MTMR8: variants seen among roughly 807,000 people sequenced by gnomAD.
MTMR8 encodes phosphatidylinositol-3,5-bisphosphate 3-phosphatase MTMR8.
In MTMR8, 65 loss-of-function variants were observed where a neutral mutation model predicts 39.3. That is an observed-to-expected ratio of 1.65 (90% CI 1.35 to 2.03). The LOEUF is 2.03. MTMR8 is among the 30% of genes most tolerant of loss of function. The probability of loss-of-function intolerance (pLI) is 0.00; values close to 1 mark genes in which losing one functional copy is unlikely to be tolerated. For synonymous variants in MTMR8, 245 were observed against 185.2 expected (o/e 1.32, Z -2.62); for missense variants, 777 against 538.9 (o/e 1.44, Z -4.37).
intron 4 of MTMR8, among the ~76,000 whole-genome samples, chrX:64,351,558 A>G (rs1453274706): frequency 9.0e-6 from 1 of 111,054 alleles, no homozygotes; most frequent in Non-Finnish European, 1.9e-5. Flanking sequence ...CATACAATCA[A>G]AAGGTAAAGT....
intron 12 of MTMR8, among the ~76,000 whole-genome samples, chrX:64,288,461 G>A (rs189281737): frequency 1.2e-4 from 13 of 111,641 alleles, no homozygotes; most frequent in East Asian, 1.1e-3. Context: ...ACAGTGTGGC[G>A]ATTCCTCAGG....
intron 1 of MTMR8, among the ~76,000 whole-genome samples, chrX:64,392,399 A>C (rs1342912637): frequency 2.7e-5 from 3 of 112,081 alleles, no homozygotes; most frequent in Non-Finnish European, 5.6e-5. Context: ...ATATGGATAA[A>C]TCTTTCAAAC....
chrX:64,378,529 G>A (rs1924331199), intron 1 of MTMR8, among the ~76,000 whole-genome samples: 1 of 112,283 alleles, frequency 8.9e-6, no homozygotes, highest in Non-Finnish European at 1.9e-5. Flanking sequence ...CCTGACACTT[G>A]AATGTAACAA....
intron 12 of MTMR8, among the ~76,000 whole-genome samples, chrX:64,293,649 C>T (rs1053904853): frequency 5.4e-5 from 6 of 111,066 alleles, no homozygotes; most frequent in Non-Finnish European, 1.1e-4. Context: ...GACAATCACC[C>T]TTTTACCATA....
chrX:64,291,927 C>T (rs1921410749), intron 12 of MTMR8, among the ~76,000 whole-genome samples: 1 of 111,402 alleles, frequency 9.0e-6, no homozygotes, highest in African/African-American at 3.3e-5. Context: ...AGCCTGATCA[C>T]CTGGATCTCC....
intron 10 of MTMR8, among the ~76,000 whole-genome samples, chrX:64,334,570 TAAAA>T (rs537003359): frequency 2.9e-4 from 20 of 69,326 alleles, no homozygotes; most frequent in Non-Finnish European, 5.0e-4. Context: ...TCTTTCAGCT[TAAAA>T]AAAAAAAAAA....
rs912982528 is a variant in MTMR8, at chrX:64,380,996, G to T, written c.24+14344C>A. On this transcript the variant is annotated intron_variant, in intron 1 of 13. Coordinates refer to ENST00000374852, the MANE Select transcript of MTMR8 (RefSeq NM_017677.4). ...CATTTTCTTAATCAAGTCTATCATT[G>T]TTGGACATTTGGCTTGGTTCCAAGT... 2.7e-5 allele frequency among the ~76,000 whole-genome samples: 3 copies of T among 112,045 alleles called. No individual in the cohort carries two copies. The Admixed American group carries it at 2.9e-4, about 11-fold the overall frequency.
chrX:64,328,884 G>A lies in MTMR8; in HGVS notation c.1369C>T (p.His457Tyr), dbSNP rs191414785. The A allele has an allele frequency of 1.3e-5, 16 of 1,190,804 alleles. No individual in the cohort carries two copies. The Admixed American group carries it at 4.1e-4, about 30-fold the overall frequency. Residue 457 changes from histidine to tyrosine, a missense_variant, in exon 12 of 14, where the codon CAT becomes TAT. By Grantham distance (83) the His-to-Tyr change is moderately conservative. Coordinates refer to ENST00000374852, the MANE Select transcript of MTMR8 (RefSeq NM_017677.4). Reference protein sequence around the residue: ...REDLRVYEKTHSVWPFLVQRK... With the variant: ...REDLRVYEKTYSVWPFLVQRK... ...TGAACCAAGAAAGGCCACACAGAAT[G>A]TGTTTTCTCATAGACTCTGTTAGAA...
At chrX:64,382,566 T>C (rs927337215) in intron 1 of MTMR8, among the ~76,000 whole-genome samples, 6 of 111,399 alleles carry the variant, frequency 5.4e-5, no homozygotes, top group Non-Finnish European at 9.4e-5. Flanking sequence ...CAATTTGACT[T>C]CCTATTTCCC....
chrX:64,364,952 C>T (rs1923904623), intron 1 of MTMR8, among the ~76,000 whole-genome samples: 1 of 111,430 alleles, frequency 9.0e-6, no homozygotes, highest in African/African-American at 3.3e-5. Flanking sequence ...GGCACGAGAA[C>T]TTCATGATGC....
At chrX:64,374,980 G>A (rs1470432376) in intron 1 of MTMR8, among the ~76,000 whole-genome samples, 6 of 105,578 alleles carry the variant, frequency 5.7e-5, no homozygotes, top group Non-Finnish European at 1.2e-4. Flanking sequence ...GGGCAACCCT[G>A]CCAACATGTG....
At chrX:64,359,283 C>A in intron 2 of MTMR8, 122 bp downstream of exon 2, 2 of 682,076 alleles carry the variant, frequency 2.9e-6, no homozygotes, top group Non-Finnish European at 4.0e-6. Flanking sequence ...AGAATAGGTC[C>A]TCTGAAGAAA....
intron 9 of MTMR8, among the ~76,000 whole-genome samples, chrX:64,336,726 G>T (rs1390069395): frequency 9.0e-6 from 1 of 111,415 alleles, no homozygotes; most frequent in African/African-American, 3.3e-5. Context: ...GAACCCAGGA[G>T]GTGGAGGTTG....
chrX:64,311,980 A>G (rs1352806162), intron 12 of MTMR8, among the ~76,000 whole-genome samples: 4 of 110,987 alleles, frequency 3.6e-5, no homozygotes, highest in East Asian at 2.8e-4. Context: ...TTGTCTTGGC[A>G]ATGCAGGCTC....
Position 64,328,813 on chromosome X carries a change from C to T in MTMR8, c.1440G>A (p.Met480Ile). The change falls in exon 12 of 14, where the codon ATG becomes ATA. Residue 480 changes from methionine (M) to isoleucine (I), a missense_variant. By Grantham distance (10) the Met-to-Ile change is conservative. Coordinates refer to ENST00000374852, the MANE Select transcript of MTMR8 (RefSeq NM_017677.4). Reference sequence around the variant, plus strand: ...CAGTACTAGGATTGAGTACCCCATACATAGTGAAGCCTTTATAGAGAGGGT... The same window carrying T: ...CAGTACTAGGATTGAGTACCCCATATATAGTGAAGCCTTTATAGAGAGGGT... Reference protein sequence around the residue: ...FRNPLYKGFTMYGVLNPSTVP... With the variant: ...FRNPLYKGFTIYGVLNPSTVP... The T allele has an allele frequency of 1.7e-6, 2 of 1,200,908 alleles. No homozygotes were observed. The highest frequency in any genetic ancestry group is 2.2e-6 in the Non-Finnish European group (2 of 890,969).
chrX:64,322,246 G>A (rs1457184840), intron 12 of MTMR8, among the ~76,000 whole-genome samples: 23 of 109,988 alleles, frequency 2.1e-4, no homozygotes, highest in African/African-American at 7.0e-4. Context: ...GATCCTCCAC[G>A]TTAGCCTCCC....
intron 12 of MTMR8, among the ~76,000 whole-genome samples, chrX:64,289,646 A>C (rs1215520398): frequency 2.2e-5 from 2 of 92,616 alleles, no homozygotes; most frequent in African/African-American, 1.3e-4. Context: ...CAAAAAAAAA[A>C]AAAAAAAAAA....
At chrX:64,304,866 A>G (rs1370268096) in intron 12 of MTMR8, among the ~76,000 whole-genome samples, 1 of 34,308 alleles carries the variant, frequency 2.9e-5, no homozygotes, top group Admixed American at 2.6e-4. Context: ...ACATTTATAT[A>G]TATATATATA....
At chrX:64,284,745 A>G (rs967794686) in intron 12 of MTMR8, among the ~76,000 whole-genome samples, 2 of 111,530 alleles carry the variant, frequency 1.8e-5, no homozygotes, top group Admixed American at 9.5e-5. Context: ...GTGAAGGAGA[A>G]ATAAAATCCT....
Sources: gnomAD v4.1 joint callset for allele counts (sites outside exome capture counted in the v4.1 genomes callset) on GRCh38, gnomAD v4.1.1 for gene constraint, MANE v1.5 for transcripts, NCBI Gene and HGNC (gene_info 2026-07-23, HGNC 2026-07-21) for gene names.